NID2: variants seen among roughly 807,000 people sequenced by gnomAD.
The protein encoded by NID2 is nidogen-2.
Under a neutral mutation model 145.4 loss-of-function variants are expected in NID2, and 83 were observed. That is an observed-to-expected ratio of 0.57 (90% confidence interval 0.48 to 0.69). The LOEUF is 0.69. NID2 is among the 30% of genes least tolerant of loss of function. The pLI is 0.00. For missense variants in NID2, 1,807 were observed against 1,765.7 expected, an observed-to-expected ratio of 1.02 and a Z score of -0.42; for synonymous variants, 739 against 701.3, an observed-to-expected ratio of 1.05 and a Z score of -0.85.
chr14:52,006,589 G>T lies in NID2; in HGVS notation c.3952C>A (p.Pro1318Thr). ...TCTGCATAGCTTACGATGCTGAAGG[G>T]GTACTTGAGGTTGTTTTGAATGACA... ...RRVIQNNLKYPFSIVSYADHF... is the reference protein window; with the variant it reads ...RRVIQNNLKYTFSIVSYADHF... Residue 1318 changes from proline to threonine, a missense_variant, in exon 20 of 22, where the codon CCC becomes ACC. By Grantham distance (38) the Pro-to-Thr change is conservative. Transcript: ENST00000216286. 1 of 1,613,854 alleles carries T rather than the reference G, an allele frequency of 6.2e-7. No homozygotes were observed. Among genetic ancestry groups the T allele is most frequent in the African/African-American group, 1.3e-5 (1 of 75,006 alleles).
intron 2 of NID2, among the ~76,000 whole-genome samples, chr14:52,065,444 G>T (rs933309658): frequency 1.4e-5 from 2 of 142,028 alleles, no homozygotes; most frequent in African/African-American, 5.3e-5. Flanking sequence ...TATCCAAACA[G>T]AATCCTCCTT....
chr14:52,059,877 C>A (rs1252382556), intron 3 of NID2, among the ~76,000 whole-genome samples: 1 of 152,200 alleles, frequency 6.6e-6, no homozygotes, highest in African/African-American at 2.4e-5. Context: ...AGTGGCTCTA[C>A]AAATACACAC....
intron 16 of NID2, among the ~76,000 whole-genome samples, chr14:52,013,524 C>T (rs1151580): frequency 0.5 from 75,461 of 152,060 alleles, 19,201 homozygotes; most frequent in East Asian, 0.73. Context: ...TATTCTTTCT[C>T]AGGGATGAGC....
In NID2 at chr14:52,060,157, G is replaced by A. The variant is rs1241093911; in HGVS notation, c.734C>T (p.Thr245Ile). Reference protein sequence around the residue: ...LKSEGPYFSLTSTEQSVKNLY... With the variant: ...LKSEGPYFSLISTEQSVKNLY... ...ATTTTTCACAGACTGTTCAGTGCTAGTCAAGCTGAAATATGGTCCTTCTGA... is the reference window on the plus strand; with the variant it reads ...ATTTTTCACAGACTGTTCAGTGCTAATCAAGCTGAAATATGGTCCTTCTGA... The change falls in exon 3 of 22, where the codon ACT becomes ATT. Residue 245 changes from threonine to isoleucine, a missense_variant. Thr to Ile is a moderately conservative substitution (Grantham distance 89). Coordinates refer to ENST00000216286, the MANE Select transcript of NID2 (RefSeq NM_007361.4). The A allele has an allele frequency of 9.9e-6, 16 of 1,613,702 alleles. No homozygotes were observed. Among genetic ancestry groups the A allele is most frequent in the African/African-American group, 1.3e-5 (1 of 74,904 alleles).
At chr14:52,025,036 T>C (rs2516599) in intron 12 of NID2, among the ~76,000 whole-genome samples, 97,677 of 152,126 alleles carry the variant, frequency 0.64, 31,676 homozygotes, top group South Asian at 0.83. Context: ...AACTAAATAT[T>C]TTAAAAGCAC....
At chr14:52,067,108 A>C (rs1023675217) in intron 2 of NID2, among the ~76,000 whole-genome samples, 6 of 152,240 alleles carry the variant, frequency 3.9e-5, no homozygotes, top group Admixed American at 2.6e-4. Flanking sequence ...TCAACTAAGA[A>C]CATGTGCAAA....
In NID2 at chr14:52,015,125, A is replaced by C. The variant is rs371893689; in HGVS notation, c.3179T>G (p.Phe1060Cys). ...IPLQCHGKSD[F>C]CWCVDKDGRE... Reference sequence around the variant, plus strand: ...GCCATCTTTGTCCACACACCAGCAGAAGTCGCTCTTTCCGTGGCACTGCAG... The same window carrying C: ...GCCATCTTTGTCCACACACCAGCAGCAGTCGCTCTTTCCGTGGCACTGCAG... Residue 1060 changes from phenylalanine (F) to cysteine (C), a missense_variant, in exon 15 of 22, where the codon TTC becomes TGC. Transcript: ENST00000216286. 1.8e-5 allele frequency: 29 copies of C among 1,613,858 alleles called. No homozygotes were observed. Among genetic ancestry groups the C allele is most frequent in the Non-Finnish European group, 2.2e-5 (26 of 1,180,020 alleles).
chr14:52,042,573 C>T (rs769402767), intron 6 of NID2, among the ~76,000 whole-genome samples: 2 of 152,190 alleles, frequency 1.3e-5, no homozygotes, highest in Non-Finnish European at 2.9e-5. Context: ...AATGAGCTGG[C>T]AGAAGGAAGC....
chr14:52,068,970 G>C lies in NID2; in HGVS notation c.25C>G (p.Arg9Gly). 6.2e-7 allele frequency: 1 copy of C among 1,612,062 alleles called. No homozygotes were observed. Among genetic ancestry groups the C allele is most frequent in the Non-Finnish European group, 8.5e-7 (1 of 1,179,392 alleles). MEGDRVAG[R>G]PVLSSLPVLL... ...ACTGGTAACGACGACAGCACCGGCC[G>C]CCCGGCCACCCGGTCCCCCTCCATG... The change falls in exon 1 of 22, where the codon CGG becomes GGG. Residue 9 changes from arginine (R) to glycine (G), a missense_variant. By Grantham distance (125) the Arg-to-Gly change is moderately radical. Coordinates refer to ENST00000216286, the MANE Select transcript of NID2 (RefSeq NM_007361.4).
intron 12 of NID2, among the ~76,000 whole-genome samples, chr14:52,023,663 C>T (rs566099786): frequency 2.0e-5 from 3 of 152,188 alleles, no homozygotes; most frequent in African/African-American, 7.2e-5. Context: ...TTGCACCTGG[C>T]CAAGTCACAA....
At chr14:52,029,238 G>T (rs1005919765) in intron 10 of NID2, among the ~76,000 whole-genome samples, 5 of 152,052 alleles carry the variant, frequency 3.3e-5, no homozygotes, top group Admixed American at 2.6e-4. Context: ...GTGCTTTTTG[G>T]TAAGTCTAAG....
chr14:52,006,694 A>G (rs1387322352), intron 19 of NID2, 34 bp from the exon 20 acceptor site: 1 of 1,610,848 alleles, frequency 6.2e-7, no homozygotes, highest in East Asian at 2.2e-5. Context: ...GAGGTCCTTC[A>G]GCTGCTTTGC....
At chr14:52,018,982 C>T (rs1891309262) in intron 14 of NID2, 79 bp downstream of exon 14, 16 of 1,066,560 alleles carry the variant, frequency 1.5e-5, no homozygotes, top group Non-Finnish European at 2.3e-5. Flanking sequence ...TGGCCCCGTG[C>T]CTGCGTGGTC....
At chr14:52,006,370 G>C in intron 20 of NID2, 167 bp downstream of exon 20, 1 of 693,808 alleles carries the variant, frequency 1.4e-6, no homozygotes. Flanking sequence ...AACATGAAAG[G>C]ATGAAAAACA....
intron 10 of NID2, 80 bp downstream of exon 10, chr14:52,029,467 G>T: frequency 7.3e-7 from 1 of 1,370,386 alleles, no homozygotes. Context: ...ACAGATACTT[G>T]TCTTCTACAG....
chr14:52,006,288 C>G (rs1391077309), intron 20 of NID2: 1 of 450,472 alleles, frequency 2.2e-6, no homozygotes, highest in Non-Finnish European at 4.0e-6. Flanking sequence ...TATCCAATAG[C>G]TTTGCTACTT....
intron 5 of NID2, among the ~76,000 whole-genome samples, chr14:52,045,754 G>A (rs1892467605): frequency 1.3e-5 from 2 of 152,166 alleles, no homozygotes; most frequent in South Asian, 4.1e-4. Context: ...CTACAGGAGG[G>A]ACTCACACAC....
chr14:52,031,638 A>T (rs1341220404), intron 9 of NID2, among the ~76,000 whole-genome samples: 2 of 152,046 alleles, frequency 1.3e-5, no homozygotes, highest in Non-Finnish European at 2.9e-5. Context: ...ACCAGTTCTC[A>T]CTACTCACAG....
chr14:52,011,702 A>G lies in NID2; in HGVS notation c.3421-19T>C, dbSNP rs1891036917. The G allele has an allele frequency of 4.3e-6, 7 of 1,613,602 alleles. No homozygotes were observed. The African/African-American group carries it at 6.7e-5, about 15-fold the overall frequency. ...TGGAGCCCTTTGTGCATCAAATCAT[A>G]GAATTAGAAGAATTAGGTTACATTT... On this transcript the variant is annotated intron_variant, in intron 16 of 21. Coordinates refer to ENST00000216286, the MANE Select transcript of NID2 (RefSeq NM_007361.4).
Sources: allele counts gnomAD v4.1 joint callset (sites outside exome capture counted in the v4.1 genomes callset), GRCh38; gene constraint gnomAD v4.1.1; transcripts MANE v1.5; gene names NCBI Gene and HGNC (gene_info 2026-07-23, HGNC 2026-07-21).